Variants in RANBP2 observed in about 807,000 individuals in gnomAD.
RANBP2 encodes the protein E3 SUMO-protein ligase RanBP2.
In RANBP2, 57 loss-of-function variants were observed where a neutral mutation model predicts 303.6. The observed-to-expected ratio is 0.19, with a 90% CI of 0.15 to 0.23. The LOEUF (loss-of-function observed/expected upper bound fraction) is 0.23. Among genes scored for constraint, RANBP2 ranks in the 10% least tolerant of loss-of-function variants. The pLI, the probability that RANBP2 is intolerant of heterozygous loss-of-function variation, is 1.00. For missense variants in RANBP2, 3,138 were observed against 3,780.8 expected, an observed-to-expected ratio of 0.83 and a Z score of 4.46; for synonymous variants, 1,167 against 1,301.5, an observed-to-expected ratio of 0.90 and a Z score of 2.23.
At chr2:109,492,928 G>T in the RANBP2 span, among the ~76,000 whole-genome samples, 1 of 152,020 alleles carries the variant, frequency 6.6e-6, no homozygotes, top group Non-Finnish European at 1.5e-5. Flanking sequence ...CACACCCACA[G>T]GGAGAAGTGC....
chr2:109,715,490 A>T, the RANBP2 span, among the ~76,000 whole-genome samples: 2 of 152,164 alleles, frequency 1.3e-5, no homozygotes, highest in East Asian at 3.9e-4. Flanking sequence ...CAAAGGATAC[A>T]AGAACAGCCA....
chr2:109,220,242 G>C, the RANBP2 span, among the ~76,000 whole-genome samples: 5 of 152,280 alleles, frequency 3.3e-5, no homozygotes, highest in Non-Finnish European at 7.4e-5. Flanking sequence ...AATGAAGTCA[G>C]ACCTTTATCT....
chr2:108,721,465 T>TG (rs1351799358), intron 1 of RANBP2, among the ~76,000 whole-genome samples: 1 of 152,120 alleles, frequency 6.6e-6, no homozygotes, highest in Non-Finnish European at 1.5e-5. Flanking sequence ...TTTTTTGAGG[T>TG]GGGGTCTCAC....
chr2:108,792,351 T>G, the RANBP2 span, among the ~76,000 whole-genome samples: 1 of 152,242 alleles, frequency 6.6e-6, no homozygotes, highest in Middle Eastern at 3.2e-3. Flanking sequence ...TCTCATCATT[T>G]GAGGAAGATG....
At chr2:108,842,669 G>T in the RANBP2 span, among the ~76,000 whole-genome samples, 3 of 152,152 alleles carry the variant, frequency 2.0e-5, no homozygotes, top group Non-Finnish European at 2.9e-5. Flanking sequence ...CATTAGGGAG[G>T]AGTTGTCTAA....
chr2:109,370,665 C>T, the RANBP2 span, among the ~76,000 whole-genome samples: 5 of 152,272 alleles, frequency 3.3e-5, no homozygotes, highest in Admixed American at 6.5e-5. Context: ...CCCTGCCATT[C>T]GTCTCTGTGT....
the RANBP2 span, among the ~76,000 whole-genome samples, chr2:109,276,969 C>T: frequency 0.011 from 1,603 of 152,204 alleles, 29 homozygotes; most frequent in African/African-American, 0.036. Flanking sequence ...GGGGACTCGG[C>T]TTCTCCCTGA....
chr2:109,541,889 T>C, the RANBP2 span, among the ~76,000 whole-genome samples: 1 of 152,210 alleles, frequency 6.6e-6, no homozygotes, highest in South Asian at 2.1e-4. Context: ...GTCATGTGTG[T>C]GTCCCCATTT....
chr2:109,484,067 C>CTTT, the RANBP2 span, among the ~76,000 whole-genome samples: 1 of 94,328 alleles, frequency 1.1e-5, no homozygotes. Flanking sequence ...TCTGGCCTTT[C>CTTT]TTTTTTTTTT....
chr2:109,492,594 C>T, the RANBP2 span, among the ~76,000 whole-genome samples: 1 of 151,936 alleles, frequency 6.6e-6, no homozygotes, highest in Non-Finnish European at 1.5e-5. Context: ...AACCTTCCCA[C>T]GAACCCTATG....
At chr2:109,353,739 A>G in the RANBP2 span, among the ~76,000 whole-genome samples, 2 of 152,168 alleles carry the variant, frequency 1.3e-5, no homozygotes, top group African/African-American at 4.8e-5. Flanking sequence ...GGCACTCAGA[A>G]CCCAAAGACG....
the RANBP2 span, among the ~76,000 whole-genome samples, chr2:109,237,236 A>T: frequency 6.6e-6 from 1 of 152,262 alleles, no homozygotes; most frequent in Non-Finnish European, 1.5e-5. Context: ...CAAAGAATGT[A>T]TAGAAATAAG....
At chr2:109,445,537 G>C in the RANBP2 span, among the ~76,000 whole-genome samples, 4 of 152,206 alleles carry the variant, frequency 2.6e-5, no homozygotes, top group African/African-American at 4.8e-5. Context: ...AATGGGAAAA[G>C]GAGGTACTAG....
At chr2:109,075,686 T>G in the RANBP2 span, among the ~76,000 whole-genome samples, 7 of 149,296 alleles carry the variant, frequency 4.7e-5, no homozygotes, top group Admixed American at 4.6e-4. Flanking sequence ...AAAAGACCAT[T>G]ATGAACAATT....
chr2:108,804,624 G>T, the RANBP2 span, among the ~76,000 whole-genome samples: 1 of 152,138 alleles, frequency 6.6e-6, no homozygotes, highest in Admixed American at 6.5e-5. Flanking sequence ...CTGAGCAGAA[G>T]CAGAAAATAG....
chr2:109,275,009 C>T, the RANBP2 span, among the ~76,000 whole-genome samples: 1 of 152,118 alleles, frequency 6.6e-6, no homozygotes, highest in African/African-American at 2.4e-5. Context: ...GTTCTAAGCA[C>T]CATTTATACT....
At position 108,760,426 on chromosome 2, in the gene RANBP2, G is replaced by A. The variant is rs545952571; in HGVS notation, c.2603-1675G>A. ...GTTCATGGTATCCCATCACATGGAA[G>A]TACTGTAAATTCTGTTCCTTTATTT... On this transcript the variant is annotated intron_variant, in intron 18 of 28. Transcript: ENST00000283195. Among the ~76,000 whole-genome samples the A allele has an allele frequency of 5.9e-5, 9 of 152,204 alleles. No individual in the cohort carries two copies. In the East Asian group the frequency reaches 1.7e-3, roughly 29 times the overall value.
chr2:109,253,911 C>T, the RANBP2 span, among the ~76,000 whole-genome samples: 1 of 152,050 alleles, frequency 6.6e-6, no homozygotes, highest in Non-Finnish European at 1.5e-5. Flanking sequence ...TTTCTAAAAG[C>T]ATGGAAGTCT....
the RANBP2 span, among the ~76,000 whole-genome samples, chr2:109,230,743 T>C: frequency 6.6e-6 from 1 of 152,232 alleles, no homozygotes; most frequent in Non-Finnish European, 1.5e-5. Flanking sequence ...ACTTATGATA[T>C]TGTTGACTTA....
Sources: gnomAD v4.1 joint callset for allele counts (sites outside exome capture counted in the v4.1 genomes callset) on GRCh38, gnomAD v4.1.1 for gene constraint, MANE v1.5 for transcripts, NCBI Gene and HGNC (gene_info 2026-07-23, HGNC 2026-07-21) for gene names.